Variants in ITPR2 observed in about 807,000 individuals in gnomAD.
ITPR2 encodes the protein inositol 1,4,5-trisphosphate-gated calcium channel ITPR2.
In ITPR2, 207 loss-of-function variants were observed where a neutral mutation model predicts 317.1. That is an observed-to-expected ratio of 0.65 (90% CI 0.58 to 0.73). The LOEUF is 0.73. ITPR2 is among the 30% of genes least tolerant of loss of function. The probability of loss-of-function intolerance (pLI) is 0.00; values close to 1 mark genes in which losing one functional copy is unlikely to be tolerated. For missense variants in ITPR2, 2,613 were observed against 3,284.0 expected (o/e 0.80, Z 4.99); for synonymous variants, 1,156 against 1,149.1 (o/e 1.01, Z -0.12).
chr12:26,395,469 T>C (rs2136642110), intron 54 of ITPR2, among the ~76,000 whole-genome samples: 1 of 152,204 alleles, frequency 6.6e-6, no homozygotes, highest in Middle Eastern at 3.4e-3. Flanking sequence ...GCTGTTCATG[T>C]TTTTGGTTAA....
chr12:26,378,847 G>C (rs571177561), intron 55 of ITPR2, among the ~76,000 whole-genome samples: 1 of 152,094 alleles, frequency 6.6e-6, no homozygotes, highest in African/African-American at 2.4e-5. Context: ...AGCTCTGAAC[G>C]AGTTCTCTTT....
At chr12:26,427,857 TTTC>T (rs1385828245) in intron 49 of ITPR2, 53 bp downstream of exon 49, 73 of 1,145,904 alleles carry the variant, frequency 6.4e-5, no homozygotes, top group Admixed American at 1.3e-4. Flanking sequence ...TATTTTTATA[TTTC>T]ATACACTTTT....
chr12:26,419,942 G>C (rs767723276), intron 49 of ITPR2: 3 of 152,008 alleles, frequency 2.0e-5, no homozygotes, highest in Non-Finnish European at 4.4e-5. Context: ...TAAATATAAT[G>C]TATGTATGTA....
intron 32 of ITPR2, among the ~76,000 whole-genome samples, chr12:26,591,106 T>G (rs968343267): frequency 7.2e-6 from 1 of 139,808 alleles, no homozygotes. Flanking sequence ...AAAAAAAGCC[T>G]TTTGTGCAGC....
chr12:26,773,712 C>T lies in ITPR2; in HGVS notation c.163+16445G>A, dbSNP rs112531785. The stretch of plus-strand genomic sequence containing the variant: ...TCAGAACCACAGCAACTTCCCTCTT[C>T]CCAATACAGAGGCTCAAGTATTTTA... On this transcript the variant is annotated intron_variant, in intron 2 of 56. Transcript: ENST00000381340. Among the ~76,000 whole-genome samples, 789 of 152,324 alleles carry T rather than the reference C, an allele frequency of 5.2e-3. 9 individuals are homozygous for T. Among genetic ancestry groups the T allele is most frequent in the African/African-American group, 0.018 (747 of 41,572 alleles).
chr12:26,732,849 G>A (rs1949048895), intron 2 of ITPR2, among the ~76,000 whole-genome samples: 1 of 152,126 alleles, frequency 6.6e-6, no homozygotes, highest in African/African-American at 2.4e-5. Flanking sequence ...AATATCCTCA[G>A]ACAGCATCCT....
At chr12:26,421,821 C>T (rs1267320183) in intron 49 of ITPR2, among the ~76,000 whole-genome samples, 3 of 152,058 alleles carry the variant, frequency 2.0e-5, no homozygotes, top group Admixed American at 2.0e-4. Flanking sequence ...TTTTTTCTTA[C>T]TCTGTCTATT....
At chr12:26,477,205 C>T (rs1283174729) in intron 43 of ITPR2, among the ~76,000 whole-genome samples, 198 bp from the exon 44 acceptor site, 3 of 152,054 alleles carry the variant, frequency 2.0e-5, no homozygotes, top group African/African-American at 7.2e-5. Flanking sequence ...ACTAATGAAT[C>T]ATGAGAGCTA....
intron 34 of ITPR2, among the ~76,000 whole-genome samples, chr12:26,568,005 AT>A (rs368182453): frequency 0.015 from 81 of 5,234 alleles, 5 homozygotes; most frequent in African/African-American, 0.031. Flanking sequence ...TATTATATAT[AT>A]TATATATATA....
At position 26,669,210 on chromosome 12, in the gene ITPR2, A is replaced by T. The variant is rs112249416; in HGVS notation, c.1410-3159T>A. 2.7e-3 allele frequency among the ~76,000 whole-genome samples: 415 copies of T among 151,978 alleles called. 2 individuals are homozygous for T. The highest frequency in any genetic ancestry group is 9.5e-3 in the African/African-American group (395 of 41,534). ...CTACATACATTCTAAAAATATTATT[A>T]ATCTATAAGGCAGTATCAAAAATTG... On this transcript the variant is annotated intron_variant, in intron 13 of 56. Transcript: ENST00000381340.
At chr12:26,769,833 C>T (rs997083044) in intron 2 of ITPR2, among the ~76,000 whole-genome samples, 9 of 152,136 alleles carry the variant, frequency 5.9e-5, no homozygotes, top group African/African-American at 2.2e-4. Context: ...ATATTTAATT[C>T]ATGGAAAGTA....
chr12:26,644,655 T>C (rs1297081436), intron 21 of ITPR2, among the ~76,000 whole-genome samples: 1 of 152,032 alleles, frequency 6.6e-6, no homozygotes, highest in African/African-American at 2.4e-5. Flanking sequence ...TCATGAGACT[T>C]ACTCACTAAC....
chr12:26,532,914 G>A (rs1943984034), intron 37 of ITPR2, among the ~76,000 whole-genome samples: 1 of 152,050 alleles, frequency 6.6e-6, no homozygotes, highest in Non-Finnish European at 1.5e-5. Context: ...TCGAACTCCT[G>A]ATCTCAGGTG....
chr12:26,720,713 C>T (rs1019509413), intron 5 of ITPR2, among the ~76,000 whole-genome samples: 3 of 152,186 alleles, frequency 2.0e-5, no homozygotes, highest in Non-Finnish European at 4.4e-5. Flanking sequence ...TTAACAATTA[C>T]ATTGTCCATT....
Position 26,375,777 on chromosome 12 carries a change from C to A in ITPR2, c.7857+11657G>T, listed in dbSNP as rs1449706430. 3.9e-5 allele frequency among the ~76,000 whole-genome samples: 6 copies of A among 152,314 alleles called. No homozygotes were observed. In the East Asian group the frequency reaches 1.2e-3, roughly 29 times the overall value. On this transcript the variant is annotated intron_variant, in intron 55 of 56. Coordinates refer to ENST00000381340, the MANE Select transcript of ITPR2 (RefSeq NM_002223.4). ...TTTGTGATCATTTAAGAAATCTTTA[C>A]TGAGTATCTAATATATACCAGGCAC...
chr12:26,580,270 T>C, intron 32 of ITPR2, 115 bp from the exon 33 acceptor site: 1 of 905,322 alleles, frequency 1.1e-6, no homozygotes, highest in Non-Finnish European at 1.6e-6. Context: ...TTCTTCTGCT[T>C]TTTAAAGTTG....
intron 50 of ITPR2, among the ~76,000 whole-genome samples, chr12:26,418,188 G>A (rs1940782623): frequency 6.6e-6 from 1 of 152,144 alleles, no homozygotes; most frequent in Admixed American, 6.6e-5. Flanking sequence ...GGAGGCAGGA[G>A]GTGCTGGATT....
chr12:26,663,609 G>T, intron 15 of ITPR2, 76 bp downstream of exon 15: 2 of 1,283,544 alleles, frequency 1.6e-6, no homozygotes, highest in Non-Finnish European at 2.1e-6. Flanking sequence ...TACTTTCTAT[G>T]CTGTAGAATT....
intron 2 of ITPR2, among the ~76,000 whole-genome samples, chr12:26,775,933 C>A (rs867050718): frequency 1.2e-5 from 1 of 85,392 alleles, no homozygotes; most frequent in African/African-American, 3.1e-5. Flanking sequence ...CTCCCCTTTA[C>A]ATATATATAT....
Sources: allele counts gnomAD v4.1 joint callset (sites outside exome capture counted in the v4.1 genomes callset), GRCh38; gene constraint gnomAD v4.1.1; transcripts MANE v1.5; gene names NCBI Gene and HGNC (gene_info 2026-07-23, HGNC 2026-07-21).